The following MMADHC variants were observed in gnomAD, a reference collection of about 807,000 sequenced individuals.
The protein encoded by MMADHC is metabolism of cobalamin associated D.
Under a neutral mutation model 36.3 loss-of-function variants are expected in MMADHC, and 23 were observed. That is an observed-to-expected ratio of 0.63 (90% CI 0.46 to 0.90). The LOEUF (loss-of-function observed/expected upper bound fraction) is 0.90, where lower values mean the gene tolerates loss of function less well. MMADHC is among the 40% of genes least tolerant of loss of function. MMADHC has a pLI of 0.00. For synonymous variants in MMADHC, 97 were observed against 116.1 expected (o/e 0.84, Z 1.06); for missense variants, 330 against 348.0 (o/e 0.95, Z 0.41).
intron 1 of MMADHC, 121 bp from the exon 2 acceptor site, chr2:149,587,270 TC>T: frequency 1.5e-6 from 1 of 679,016 alleles, no homozygotes; most frequent in East Asian, 2.7e-5. Context: ...GTCCAAGCTC[TC>T]CCCGTACCCT....
intron 6 of MMADHC, among the ~76,000 whole-genome samples, chr2:149,571,681 G>A (rs13389125): frequency 0.015 from 2,293 of 151,866 alleles, 54 homozygotes; most frequent in African/African-American, 0.052. Flanking sequence ...TCGGGAGGCT[G>A]AGGCAGGAGA....
At chr2:149,585,527 G>T (rs1343396562) in intron 2 of MMADHC, among the ~76,000 whole-genome samples, 1 of 152,156 alleles carries the variant, frequency 6.6e-6, no homozygotes, top group African/African-American at 2.4e-5. Context: ...TTACACAAAA[G>T]GTCCAGAAAT....
chr2:149,577,436 G>T (rs1320615525), intron 4 of MMADHC, among the ~76,000 whole-genome samples: 1 of 152,176 alleles, frequency 6.6e-6, no homozygotes, highest in Non-Finnish European at 1.5e-5. Context: ...GGTGGGAAAG[G>T]TAAGGGATCA....
chr2:149,573,161 C>T (rs916559016), intron 6 of MMADHC, among the ~76,000 whole-genome samples: 4 of 152,090 alleles, frequency 2.6e-5, no homozygotes, highest in Non-Finnish European at 2.9e-5. Context: ...TGCACTAGGT[C>T]GCAGGAGATG....
chr2:149,583,446 A>G (rs935679730), intron 2 of MMADHC, among the ~76,000 whole-genome samples: 1 of 152,184 alleles, frequency 6.6e-6, no homozygotes, highest in Non-Finnish European at 1.5e-5. Flanking sequence ...GGCAACTATA[A>G]AAGACTGTAT....
intron 2 of MMADHC, among the ~76,000 whole-genome samples, chr2:149,583,807 C>T (rs930180094): frequency 1.3e-5 from 2 of 151,928 alleles, no homozygotes; most frequent in Non-Finnish European, 2.9e-5. Flanking sequence ...ACAAATTTAC[C>T]CTCCCTTCCC....
intron 2 of MMADHC, 64 bp from the exon 3 acceptor site, chr2:149,582,335 T>C: frequency 6.4e-7 from 1 of 1,553,408 alleles, no homozygotes; most frequent in Non-Finnish European, 8.8e-7. Context: ...ACATAGACAA[T>C]CTCTGGCAAA....
intron 3 of MMADHC, among the ~76,000 whole-genome samples, chr2:149,580,655 A>T (rs1309112589): frequency 6.6e-6 from 1 of 152,188 alleles, no homozygotes; most frequent in Admixed American, 6.5e-5. Context: ...TAAGTAACTG[A>T]GAATGGCCAT....
At chr2:149,582,370 A>G (rs1380595077) in intron 2 of MMADHC, 99 bp from the exon 3 acceptor site, 6 of 1,191,588 alleles carry the variant, frequency 5.0e-6, no homozygotes, top group Non-Finnish European at 7.3e-6. Context: ...GGTTCTTTTA[A>G]AACCAACATT....
chr2:149,581,267 T>A (rs1295073094), intron 3 of MMADHC, among the ~76,000 whole-genome samples: 1 of 152,192 alleles, frequency 6.6e-6, no homozygotes, highest in Admixed American at 6.5e-5. Context: ...TAACATCTTA[T>A]ATAATTTGAA....
At chr2:149,580,198 G>C (rs1433999493) in intron 3 of MMADHC, among the ~76,000 whole-genome samples, 3 of 152,030 alleles carry the variant, frequency 2.0e-5, no homozygotes, top group African/African-American at 7.2e-5. Context: ...GTAGACACAA[G>C]GTCTCCTCCT....
chr2:149,587,533 G>A (rs1399688830), intron 1 of MMADHC, 131 bp downstream of exon 1: 1 of 229,076 alleles, frequency 4.4e-6, no homozygotes, highest in Non-Finnish European at 8.8e-6. Context: ...GCAGAAAAGA[G>A]ACTAAAGACA....
In MMADHC at chr2:149,582,264, C is replaced by A. The variant is rs1159486541; in HGVS notation, c.17G>T (p.Cys6Phe). Residue 6 changes from cysteine to phenylalanine, a missense_variant, in exon 3 of 8, where the codon TGT (cysteine) becomes TTT (phenylalanine). Transcript: ENST00000303319. ...ATAGGAAACCAGTCTGGCTCTGTTACAAAGCACCTAGAAATGACACAAAAT... is the reference window on the plus strand; with the variant it reads ...ATAGGAAACCAGTCTGGCTCTGTTAAAAAGCACCTAGAAATGACACAAAAT... Reference protein sequence around the residue: MANVLCNRARLVSYLP... With the variant: MANVLFNRARLVSYLP... The A allele has an allele frequency of 1.9e-6, 3 of 1,613,528 alleles. No homozygotes were observed. Among genetic ancestry groups the A allele is most frequent in the African/African-American group, 1.3e-5 (1 of 74,882 alleles).
chr2:149,575,765 A>G lies in MMADHC; in HGVS notation c.555T>C (p.Asp185=), dbSNP rs1682707056. 2.5e-6 allele frequency: 4 copies of G among 1,610,048 alleles called. No homozygotes were observed. The East Asian group carries it at 9.0e-5, about 36-fold the overall frequency. Residue 185 remains aspartate, a synonymous_variant, in exon 6 of 8, where the codon GAT becomes GAC. Coordinates refer to ENST00000303319, the MANE Select transcript of MMADHC (RefSeq NM_015702.3). The part of the protein sequence containing the change: ...ILTVTQKTKN[D]MTVWSEEVEI... ...CTACTTCTTCACTCCAAACAGTCAT[A>G]TCATTCTTAGTTTTTTGTGTTACAG...
At chr2:149,573,890 A>C (rs1204317264) in intron 6 of MMADHC, among the ~76,000 whole-genome samples, 1 of 152,046 alleles carries the variant, frequency 6.6e-6, no homozygotes, top group Non-Finnish European at 1.5e-5. Context: ...AAACCAGCTG[A>C]AGTATTTTTC....
rs377715638 is a variant in MMADHC, at chr2:149,587,033, T to G, written c.9+56A>C. 15 of 1,561,152 alleles carry G rather than the reference T, an allele frequency of 9.6e-6. No homozygotes were observed. The African/African-American group carries it at 2.0e-4, about 21-fold the overall frequency. On this transcript the variant is annotated intron_variant, in intron 2 of 7. Coordinates refer to ENST00000303319, the MANE Select transcript of MMADHC (RefSeq NM_015702.3). ...ATCATAATTAAACCCGTTCTTTCAT[T>G]CCTAACATTCCCAAACGAGTTTACT...
At chr2:149,575,587 T>C (rs1682702395) in intron 6 of MMADHC, 124 bp downstream of exon 6, 4 of 754,902 alleles carry the variant, frequency 5.3e-6, no homozygotes. Context: ...AGTCCTTTAG[T>C]ATTATAATAC....
chr2:149,586,730 T>TA (rs761076181), intron 2 of MMADHC, among the ~76,000 whole-genome samples: 16 of 151,370 alleles, frequency 1.1e-4, no homozygotes, highest in Non-Finnish European at 2.2e-4. Context: ...GAAACTGTTT[T>TA]AAAAAAAAGA....
chr2:149,579,474 T>G lies in MMADHC; in HGVS notation c.329A>C (p.Glu110Ala). 6.2e-7 allele frequency: 1 copy of G among 1,612,512 alleles called. No homozygotes were observed. Among genetic ancestry groups the G allele is most frequent in the South Asian group, 1.1e-5 (1 of 91,018 alleles). ...TTGTGCCATCACAAACTCATGTCTT[T>G]CACTTGATAAAGGTTCTGCTAGAAC... Reference protein sequence around the residue: ...PDVLAEPLSSERHEFVMAQYV... With the variant: ...PDVLAEPLSSARHEFVMAQYV... Residue 110 changes from glutamate (E) to alanine (A), a missense_variant, in exon 4 of 8, where the codon GAA (glutamate) becomes GCA (alanine). Transcript: ENST00000303319.
Sources: gnomAD v4.1 joint callset for allele counts (sites outside exome capture counted in the v4.1 genomes callset) on GRCh38, gnomAD v4.1.1 for gene constraint, MANE v1.5 for transcripts, NCBI Gene and HGNC (gene_info 2026-07-23, HGNC 2026-07-21) for gene names.